The following SH3RF3 variants were observed in gnomAD, a reference collection of about 807,000 sequenced individuals.
The protein encoded by SH3RF3 is E3 ubiquitin-protein ligase SH3RF3.
SH3RF3 carries 29 observed loss-of-function variants against 66.3 expected under a neutral mutation model. That is an observed-to-expected ratio of 0.44 (90% confidence interval 0.33 to 0.60). The LOEUF (loss-of-function observed/expected upper bound fraction) is 0.60, where lower values mean the gene tolerates loss of function less well. Ranked by LOEUF, SH3RF3 falls within the 20% of genes least tolerant of loss-of-function variation. The probability of loss-of-function intolerance (pLI) is 0.04; values close to 1 mark genes in which losing one functional copy is unlikely to be tolerated. For missense variants in SH3RF3, 1,194 were observed against 1,190.9 expected (o/e 1.00, Z -0.04); for synonymous variants, 583 against 532.0 (o/e 1.10, Z -1.32).
At chr2:109,410,723 T>C (rs1023658057) in intron 4 of SH3RF3, among the ~76,000 whole-genome samples, 17 of 152,342 alleles carry the variant, frequency 1.1e-4, no homozygotes, top group African/African-American at 3.4e-4. Flanking sequence ...GTATCCATTA[T>C]GGAGCCTTTT....
At chr2:109,432,760 C>A in intron 6 of SH3RF3, 89 bp downstream of exon 6, 1 of 1,471,198 alleles carries the variant, frequency 6.8e-7, no homozygotes, top group South Asian at 1.4e-5. Flanking sequence ...GCTACTCTGT[C>A]AGCCGGGCCC....
Position 109,432,482 on chromosome 2 carries a change from C to A in SH3RF3, c.1404-19C>A, listed in dbSNP as rs1677259771. 1 of 1,612,150 alleles carries A rather than the reference C, an allele frequency of 6.2e-7. No homozygotes were observed. The highest frequency in any genetic ancestry group is 1.3e-5 in the African/African-American group (1 of 74,990). The stretch of plus-strand genomic sequence containing the variant: ...CCAGGAGGGCTCCCACTGACACTGG[C>A]CCCATGCTTTGCCCGCAGGTACCTG... On this transcript the variant is annotated intron_variant, in intron 5 of 9. Coordinates refer to ENST00000309415, the MANE Select transcript of SH3RF3 (RefSeq NM_001099289.3).
chr2:109,292,009 G>A (rs979872089), intron 1 of SH3RF3, among the ~76,000 whole-genome samples: 4 of 152,038 alleles, frequency 2.6e-5, no homozygotes, highest in South Asian at 2.1e-4. Flanking sequence ...GACTACAGGC[G>A]CACGCCACCA....
rs1473957954 is a variant in SH3RF3 at position 109,432,250 on chromosome 2, T to A, written c.1404-251T>A. ...GTCAGATGGGCAGGTGGAATCCTCC[T>A]AAGGCTGTGGGTGACAGGCACACCC... On this transcript the variant is annotated intron_variant, in intron 5 of 9. Transcript: ENST00000309415. 5.9e-5 allele frequency among the ~76,000 whole-genome samples: 9 copies of A among 152,120 alleles called. No homozygotes were observed. The East Asian group carries it at 1.5e-3, about 26-fold the overall frequency.
At position 109,490,654 on chromosome 2, in the gene SH3RF3, A is replaced by G. The variant is rs1439084792; in HGVS notation, c.2198A>G (p.Lys733Arg). The G allele has an allele frequency of 1.2e-5, 18 of 1,507,666 alleles. No homozygotes were observed. Among genetic ancestry groups the G allele is most frequent in the Non-Finnish European group, 1.5e-5 (17 of 1,127,464 alleles). 93.4% of individuals were successfully genotyped at this position (1,507,666 alleles called of 1,614,324 possible). A position where few individuals can be genotyped will look rare whatever the true frequency, so the allele number is the denominator to read the frequency against. Reference protein sequence around the residue: ...LLKLLAGASTKKKSRSPPSVS... With the variant: ...LLKLLAGASTRKKSRSPPSVS... ...AAGCTTCTAGCCGGAGCATCCACCA[A>G]GAAGAAGTCACGCTCCCCGCCATCT... The change falls in exon 9 of 10, where the codon AAG becomes AGG. Residue 733 changes from lysine (K) to arginine (R), a missense_variant. Coordinates refer to ENST00000309415, the MANE Select transcript of SH3RF3 (RefSeq NM_001099289.3).
intron 2 of SH3RF3, among the ~76,000 whole-genome samples, chr2:109,353,840 T>C (rs923746372): frequency 6.6e-6 from 1 of 152,164 alleles, no homozygotes; most frequent in Non-Finnish European, 1.5e-5. Context: ...GGGTGTGATC[T>C]CTGACATCTC....
chr2:109,402,551 C>A (rs1676343676), intron 4 of SH3RF3, among the ~76,000 whole-genome samples: 1 of 152,228 alleles, frequency 6.6e-6, no homozygotes, highest in African/African-American at 2.4e-5. Context: ...GTGCCTACAG[C>A]ATGGGGCAGT....
At chr2:109,426,216 A>G (rs1559077174) in intron 5 of SH3RF3, among the ~76,000 whole-genome samples, 1 of 152,222 alleles carries the variant, frequency 6.6e-6, no homozygotes, top group Non-Finnish European at 1.5e-5. Flanking sequence ...GCCAAGCAGT[A>G]CATTTCAAAG....
At chr2:109,450,389 C>T (rs564463031) in intron 8 of SH3RF3, among the ~76,000 whole-genome samples, 2 of 151,690 alleles carry the variant, frequency 1.3e-5, no homozygotes, top group South Asian at 4.2e-4. Flanking sequence ...GTCCAAGAAA[C>T]TTGTTCCGGT....
At chr2:109,378,329 G>T (rs549370098) in intron 3 of SH3RF3, among the ~76,000 whole-genome samples, 1 of 152,296 alleles carries the variant, frequency 6.6e-6, no homozygotes, top group Admixed American at 6.5e-5. Context: ...AGCATGCCAA[G>T]AACCACATAG....
chr2:109,467,891 C>CTG (rs145486443), intron 8 of SH3RF3, among the ~76,000 whole-genome samples: 2,295 of 152,292 alleles, frequency 0.015, 57 homozygotes, highest in African/African-American at 0.053. Flanking sequence ...CCTCAGATGC[C>CTG]TGTAGCCAGC....
chr2:109,244,209 C>A (rs1476361257), intron 1 of SH3RF3, among the ~76,000 whole-genome samples: 1 of 152,052 alleles, frequency 6.6e-6, no homozygotes, highest in Non-Finnish European at 1.5e-5. Context: ...GATTCTAATC[C>A]GAGCTGGAGA....
intron 8 of SH3RF3, among the ~76,000 whole-genome samples, chr2:109,486,275 C>A (rs1247156325): frequency 1.3e-5 from 2 of 152,166 alleles, no homozygotes; most frequent in African/African-American, 2.4e-5. Flanking sequence ...CCCACAGAAG[C>A]AAAATCTTTG....
intron 8 of SH3RF3, among the ~76,000 whole-genome samples, chr2:109,463,634 G>A (rs1030381524): frequency 2.6e-5 from 4 of 152,202 alleles, no homozygotes; most frequent in Admixed American, 6.5e-5. Flanking sequence ...AAGCAATGGG[G>A]AAGAAGCCAT....
chr2:109,384,229 G>A (rs1301961779), intron 3 of SH3RF3, among the ~76,000 whole-genome samples: 3 of 152,154 alleles, frequency 2.0e-5, no homozygotes, highest in Non-Finnish European at 4.4e-5. Flanking sequence ...CCTGAATGAA[G>A]CAGAGGAGAA....
intron 3 of SH3RF3, among the ~76,000 whole-genome samples, chr2:109,386,574 A>T (rs1281682721): frequency 1.3e-5 from 2 of 152,066 alleles, no homozygotes; most frequent in East Asian, 3.9e-4. Context: ...TGAGTCCTCT[A>T]CCCACCTCTC....
chr2:109,369,986 A>G (rs1328351173), intron 2 of SH3RF3, among the ~76,000 whole-genome samples: 1 of 152,200 alleles, frequency 6.6e-6, no homozygotes, highest in African/African-American at 2.4e-5. Context: ...TCTCTTGGCC[A>G]TCTCCTCCTT....
chr2:109,331,240 AC>A (rs1682275495), intron 1 of SH3RF3, among the ~76,000 whole-genome samples: 1 of 150,982 alleles, frequency 6.6e-6, no homozygotes, highest in South Asian at 2.1e-4. Flanking sequence ...TTGTGTACAG[AC>A]CCCCACCCGC....
chr2:109,316,570 A>T (rs1420122925), intron 1 of SH3RF3, among the ~76,000 whole-genome samples: 1 of 152,190 alleles, frequency 6.6e-6, no homozygotes, highest in African/African-American at 2.4e-5. Flanking sequence ...GAGCAGTTTT[A>T]GGTTCACAGC....
Sources: gnomAD v4.1 joint callset for allele counts (sites outside exome capture counted in the v4.1 genomes callset) on GRCh38, gnomAD v4.1.1 for gene constraint, MANE v1.5 for transcripts, NCBI Gene and HGNC (gene_info 2026-07-23, HGNC 2026-07-21) for gene names.